ALG9: variants seen among roughly 807,000 people sequenced by gnomAD.
ALG9 encodes the protein ALG9 alpha-1,2-mannosyltransferase.
ALG9 carries 55 observed loss-of-function variants against 81.8 expected under a neutral mutation model. That is an observed-to-expected ratio of 0.67 (90% CI 0.54 to 0.84). The LOEUF (loss-of-function observed/expected upper bound fraction) is 0.84. ALG9 is among the 40% of genes least tolerant of loss of function. ALG9 has a pLI of 0.00. For synonymous variants in ALG9, 278 were observed against 274.3 expected, an observed-to-expected ratio of 1.01 and a Z score of -0.13; for missense variants, 629 against 745.0, an observed-to-expected ratio of 0.84 and a Z score of 1.81.
At chr11:111,788,496 T>C (rs1555067260) in intron 14 of ALG9, 2 of 452,486 alleles carry the variant, frequency 4.4e-6, no homozygotes, top group Non-Finnish European at 8.9e-6. Context: ...GTAATCCCAA[T>C]ATTTTGAGAG....
chr11:111,824,162 C>T (rs1165137007), intron 13 of ALG9, among the ~76,000 whole-genome samples: 1 of 152,148 alleles, frequency 6.6e-6, no homozygotes, highest in East Asian at 1.9e-4. Flanking sequence ...TTTCATAAAT[C>T]GGACTTTTAA....
intron 13 of ALG9, among the ~76,000 whole-genome samples, chr11:111,825,331 T>C (rs1953051445): frequency 6.6e-6 from 1 of 152,210 alleles, no homozygotes; most frequent in Non-Finnish European, 1.5e-5. Flanking sequence ...TGAACCCTTG[T>C]CTTTAAACAA....
intron 13 of ALG9, among the ~76,000 whole-genome samples, chr11:111,824,139 A>G (rs1448330861): frequency 1.3e-5 from 2 of 152,246 alleles, no homozygotes; most frequent in African/African-American, 2.4e-5. Context: ...TACAATAACA[A>G]ATTCTGGGTT....
At chr11:111,805,578 T>G (rs1170130464) in intron 14 of ALG9, among the ~76,000 whole-genome samples, 5 of 152,348 alleles carry the variant, frequency 3.3e-5, no homozygotes, top group African/African-American at 9.6e-5. Context: ...TGCTGTATGA[T>G]TCAAGCTATA....
chr11:111,772,891 G>C, the ALG9 span, among the ~76,000 whole-genome samples: 54 of 152,208 alleles, frequency 3.5e-4, no homozygotes, highest in African/African-American at 1.3e-3. Context: ...TGAGGAGTGA[G>C]AGTCATGATG....
downstream of ALG9, among the ~76,000 whole-genome samples, chr11:111,781,804 C>T (rs538635626): frequency 2.0e-5 from 3 of 152,256 alleles, no homozygotes; most frequent in South Asian, 2.1e-4. Context: ...TGCGCCACTA[C>T]GCCCAGCTAT....
At chr11:111,843,086 T>C (rs993807692) in intron 9 of ALG9, among the ~76,000 whole-genome samples, 6 of 152,246 alleles carry the variant, frequency 3.9e-5, no homozygotes, top group Middle Eastern at 3.4e-3. Flanking sequence ...CTCCCAGCTA[T>C]CATAAATTAT....
At chr11:111,831,937 T>A (rs1954443669) in intron 13 of ALG9, among the ~76,000 whole-genome samples, 1 of 152,254 alleles carries the variant, frequency 6.6e-6, no homozygotes, top group South Asian at 2.1e-4. Context: ...CATTTGATTA[T>A]GTCATTTAAT....
intron 11 of ALG9, 78 bp downstream of exon 11, chr11:111,838,171 T>C: frequency 1.3e-6 from 2 of 1,562,580 alleles, no homozygotes; most frequent in Non-Finnish European, 1.8e-6. Context: ...CAAATATGTA[T>C]TATATAATCA....
At chr11:111,868,941 C>A (rs1963385378) in intron 2 of ALG9, among the ~76,000 whole-genome samples, 2 of 150,670 alleles carry the variant, frequency 1.3e-5, no homozygotes, top group Non-Finnish European at 3.0e-5. Flanking sequence ...GGCAACATAG[C>A]AAAACCCCAT....
chr11:111,783,917 GTTT>G lies in ALG9; in HGVS notation c.*2477_*2479del, dbSNP rs376955296. The G allele has an allele frequency of 6.9e-5, 8 of 116,244 alleles. No individual in the cohort carries two copies. The highest frequency in any genetic ancestry group is 2.5e-4 in the African/African-American group (8 of 31,766). 7.2% of individuals were successfully genotyped at this position (116,244 alleles called of 1,614,324 possible). On this transcript the variant is annotated 3_prime_UTR_variant, in exon 15 of 15. Coordinates refer to ENST00000616540, the MANE Select transcript of ALG9 (RefSeq NM_024740.2). ...TGCGCTATATTATAATTAAGGTTTTGTTTTTTTAAAAAAAAAAAAAAACAAGAT... is the reference window on the plus strand; with the variant it reads ...TGCGCTATATTATAATTAAGGTTTTGTTTTAAAAAAAAAAAAAAACAAGAT...
At chr11:111,866,784 C>G (rs782237509) in intron 3 of ALG9, among the ~76,000 whole-genome samples, 3 of 150,770 alleles carry the variant, frequency 2.0e-5, no homozygotes, top group Non-Finnish European at 4.4e-5. Flanking sequence ...TTTCCTTTGA[C>G]AAGTTCAAAA....
chr11:111,816,419 T>G (rs1166413472), intron 13 of ALG9, among the ~76,000 whole-genome samples: 5 of 151,874 alleles, frequency 3.3e-5, no homozygotes, highest in African/African-American at 1.2e-4. Context: ...GTTAATTTAT[T>G]TTTATTTTTT....
intron 13 of ALG9, among the ~76,000 whole-genome samples, chr11:111,833,780 C>T (rs1044899378): frequency 5.9e-5 from 9 of 152,188 alleles, no homozygotes; most frequent in Non-Finnish European, 1.0e-4. Context: ...CTACTGGCAT[C>T]CTGAAAAATC....
intron 13 of ALG9, among the ~76,000 whole-genome samples, chr11:111,819,401 G>C (rs1407668553): frequency 1.3e-5 from 2 of 152,224 alleles, no homozygotes; most frequent in Non-Finnish European, 2.9e-5. Context: ...TCTCCACACA[G>C]AAGACAGATC....
rs1555140983 is a variant in ALG9, at chr11:111,853,679, A to G, written c.759T>C (p.His253=). 2 of 1,614,206 alleles carry G rather than the reference A, an allele frequency of 1.2e-6. No homozygotes were observed. Among genetic ancestry groups the G allele is most frequent in the Middle Eastern group, 1.6e-4 (1 of 6,062 alleles). The part of the protein sequence containing the change: ...VMKHRWKSFF[H]WSLMALILFL... ...ATAGTATGAGGGCCATCAGCGACCA[A>G]TGAAAGAAACTCTTCCACCTGTGTT... is the stretch of plus-strand genomic sequence containing the variant. Residue 253 remains histidine, a synonymous_variant, in exon 7 of 15, where the codon CAT becomes CAC. Transcript: ENST00000616540.
chr11:111,865,397 T>C, intron 3 of ALG9, 146 bp from the exon 4 acceptor site: 1 of 633,994 alleles, frequency 1.6e-6, no homozygotes, highest in Admixed American at 3.0e-5. Context: ...AATTTTCATA[T>C]CCCTTGACTC....
Position 111,786,130 on chromosome 11 carries a change from T to C in ALG9, c.*267A>G, listed in dbSNP as rs1555063058. The C allele has an allele frequency of 5.7e-6, 3 of 525,414 alleles. No individual in the cohort carries two copies. Among genetic ancestry groups the C allele is most frequent in the Non-Finnish European group, 1.1e-5 (3 of 272,568 alleles). The allele number at this position is 525,414 out of a possible 1,614,324, so 32.5% of individuals were successfully genotyped here. A position where few individuals can be genotyped will look rare whatever the true frequency, so the allele number is the denominator to read the frequency against. ...ATTGAACAGAGGAAAAACAATGAGA[T>C]GTGGAGCAATATATCTATCTGTGCT... On this transcript the variant is annotated 3_prime_UTR_variant, in exon 15 of 15. Coordinates refer to ENST00000616540, the MANE Select transcript of ALG9 (RefSeq NM_024740.2).
chr11:111,816,110 AGTT>A (rs1951433231), intron 13 of ALG9, among the ~76,000 whole-genome samples: 1 of 152,202 alleles, frequency 6.6e-6, no homozygotes, highest in African/African-American at 2.4e-5. Flanking sequence ...AGTTTTGATT[AGTT>A]GTTGGGCACT....
Sources: gnomAD v4.1 joint callset for allele counts (sites outside exome capture counted in the v4.1 genomes callset) on GRCh38, gnomAD v4.1.1 for gene constraint, MANE v1.5 for transcripts, NCBI Gene and HGNC (gene_info 2026-07-23, HGNC 2026-07-21) for gene names.